PDE1C: variants seen among roughly 807,000 people sequenced by gnomAD.
The protein encoded by PDE1C is dual specificity calcium/calmodulin-dependent 3',5'-cyclic nucleotide phosphodiesterase 1C.
Under a neutral mutation model 93.1 loss-of-function variants are expected in PDE1C, and 62 were observed. The ratio of observed to expected loss-of-function variants is 0.67; its 90% CI spans 0.54 to 0.82. The LOEUF (loss-of-function observed/expected upper bound fraction) is 0.82, where lower values mean the gene tolerates loss of function less well. PDE1C is among the 40% of genes least tolerant of loss of function. The probability of loss-of-function intolerance (pLI) is 0.00; values close to 1 mark genes in which losing one functional copy is unlikely to be tolerated. For synonymous variants in PDE1C, 325 were observed against 310.1 expected (o/e 1.05, Z -0.50); for missense variants, 742 against 884.6 (o/e 0.84, Z 2.04).
intron 3 of PDE1C, among the ~76,000 whole-genome samples, chr7:32,155,083 C>CA (rs11390859): frequency 0.27 from 40,295 of 152,042 alleles, 5,525 homozygotes; most frequent in Middle Eastern, 0.35. Context: ...GGTGCAGAGG[C>CA]AGGCAGGAAG....
intron 3 of PDE1C, among the ~76,000 whole-genome samples, chr7:32,107,040 T>G (rs1334617499): frequency 7.1e-6 from 1 of 141,244 alleles, no homozygotes; most frequent in African/African-American, 2.6e-5. Flanking sequence ...GTAAAAGAAA[T>G]GAAAAATGAC....
At chr7:31,645,109 G>A in the PDE1C span, among the ~76,000 whole-genome samples, 1 of 152,162 alleles carries the variant, frequency 6.6e-6, no homozygotes, top group Non-Finnish European at 1.5e-5. Context: ...GCCTCCTAAT[G>A]ACTAAGTGGG....
upstream of PDE1C, among the ~76,000 whole-genome samples, chr7:32,074,586 G>A (rs1584706706): frequency 1.3e-5 from 2 of 152,102 alleles, no homozygotes; most frequent in Non-Finnish European, 2.9e-5. Flanking sequence ...CTGCAGACAC[G>A]CAAAAACTCT....
intron 2 of PDE1C, among the ~76,000 whole-genome samples, chr7:32,181,234 A>G (rs1803389913): frequency 6.6e-6 from 1 of 152,186 alleles, no homozygotes; most frequent in Non-Finnish European, 1.5e-5. Flanking sequence ...CATTAGACAG[A>G]TCAACGAGAC....
At chr7:32,041,741 G>C (rs1374512712) in intron 2 of PDE1C, among the ~76,000 whole-genome samples, 2 of 152,140 alleles carry the variant, frequency 1.3e-5, no homozygotes, top group Non-Finnish European at 2.9e-5. Context: ...GTGGAGGTGA[G>C]GATTTTTCCC....
intron 2 of PDE1C, among the ~76,000 whole-genome samples, chr7:32,014,323 T>G (rs980336974): frequency 3.9e-5 from 6 of 152,120 alleles, no homozygotes; most frequent in African/African-American, 1.2e-4. Flanking sequence ...TCTGGTACAA[T>G]GTGATTCAAA....
the PDE1C span, among the ~76,000 whole-genome samples, chr7:31,630,073 C>A: frequency 2.0e-5 from 3 of 151,900 alleles, no homozygotes; most frequent in African/African-American, 7.2e-5. Context: ...AAATTGTCAA[C>A]AAATACTGAT....
chr7:31,874,174 T>C (rs1796269326), intron 5 of PDE1C, among the ~76,000 whole-genome samples: 1 of 152,216 alleles, frequency 6.6e-6, no homozygotes, highest in African/African-American at 2.4e-5. Context: ...AAGGAAAAAC[T>C]AAACTGAACA....
At chr7:31,771,511 T>G (rs117449323) in intron 17 of PDE1C, among the ~76,000 whole-genome samples, 469 of 152,310 alleles carry the variant, frequency 3.1e-3, no homozygotes, top group Non-Finnish European at 5.4e-3. Context: ...TTTGTAGATC[T>G]TCTCTGGAGA....
the PDE1C span, among the ~76,000 whole-genome samples, chr7:31,619,988 C>T: frequency 6.6e-6 from 1 of 152,178 alleles, no homozygotes; most frequent in Admixed American, 6.5e-5. Flanking sequence ...CCTACGCCCA[C>T]GGAGTCTCGC....
chr7:31,645,574 GGTC>G, the PDE1C span, among the ~76,000 whole-genome samples: 150 of 152,050 alleles, frequency 9.9e-4, 1 homozygote, highest in African/African-American at 3.4e-3. Flanking sequence ...GTAACAGTAG[GGTC>G]GTCATCACCA....
intron 16 of PDE1C, among the ~76,000 whole-genome samples, chr7:31,808,067 C>A (rs1252854579): frequency 1.3e-5 from 2 of 151,990 alleles, no homozygotes; most frequent in Admixed American, 6.6e-5. Flanking sequence ...CATGTCATAA[C>A]AGCTTAGGGC....
intron 1 of PDE1C, among the ~76,000 whole-genome samples, chr7:32,358,536 G>C (rs763087269): frequency 6.6e-6 from 1 of 152,064 alleles, no homozygotes. Context: ...ACTAGACAGC[G>C]GGCAAGTGGG....
intron 1 of PDE1C, among the ~76,000 whole-genome samples, chr7:32,221,266 A>G (rs1028706928): frequency 6.6e-6 from 1 of 152,058 alleles, no homozygotes; most frequent in African/African-American, 2.4e-5. Context: ...ACATTCTTCA[A>G]CCCCACTCAT....
chr7:31,788,988 C>A (rs1784290538), intron 16 of PDE1C: 1 of 152,140 alleles, frequency 6.6e-6, no homozygotes, highest in Admixed American at 6.5e-5. Flanking sequence ...CGTGCTTTTT[C>A]ATGTAGAAAT....
chr7:32,193,064 G>A (rs1029442194), intron 2 of PDE1C, among the ~76,000 whole-genome samples: 2 of 152,082 alleles, frequency 1.3e-5, no homozygotes, highest in African/African-American at 4.8e-5. Flanking sequence ...GCTTCCTTGG[G>A]ATTTTCTATG....
intron 16 of PDE1C, chr7:31,785,899 T>C (rs933242500): frequency 2.3e-4 from 35 of 152,218 alleles, no homozygotes; most frequent in African/African-American, 8.2e-4. Flanking sequence ...TATAGGAATA[T>C]TGTCATTGCT....
the PDE1C span, among the ~76,000 whole-genome samples, chr7:31,709,482 A>G: frequency 6.6e-6 from 1 of 152,310 alleles, no homozygotes; most frequent in African/African-American, 2.4e-5. Flanking sequence ...TGTTTTTTCT[A>G]TTGCCAAATC....
At chr7:32,073,157 A>G (rs1411630187), upstream of PDE1C, among the ~76,000 whole-genome samples, 8 of 152,218 alleles carry the variant, frequency 5.3e-5, no homozygotes, top group Non-Finnish European at 1.2e-4. Flanking sequence ...AGAAAAGCAA[A>G]TTTTGGAAGA....
Sources: gnomAD v4.1 joint callset for allele counts (sites outside exome capture counted in the v4.1 genomes callset) on GRCh38, gnomAD v4.1.1 for gene constraint, MANE v1.5 for transcripts, NCBI Gene and HGNC (gene_info 2026-07-23, HGNC 2026-07-21) for gene names.